Variants in TRAPPC9 observed in about 807,000 individuals in gnomAD.
TRAPPC9 encodes the protein IKK2 binding protein.
Under a neutral mutation model 124.0 loss-of-function variants are expected in TRAPPC9, and 83 were observed. The observed-to-expected ratio is 0.67, with a 90% CI of 0.56 to 0.80. The LOEUF is 0.80. Ranked by LOEUF, TRAPPC9 falls within the 30% of genes least tolerant of loss-of-function variation. The probability of loss-of-function intolerance (pLI) is 0.00; values close to 1 mark genes in which losing one functional copy is unlikely to be tolerated. For synonymous variants in TRAPPC9, 638 were observed against 617.5 expected (o/e 1.03, Z -0.49); for missense variants, 1,302 against 1,508.3 (o/e 0.86, Z 2.27).
intron 17 of TRAPPC9, among the ~76,000 whole-genome samples, chr8:140,128,027 T>C (rs1340586195): frequency 6.6e-6 from 1 of 152,246 alleles, no homozygotes; most frequent in African/African-American, 2.4e-5. Context: ...ACTAAAATGA[T>C]TCATGGTGAA....
At chr8:139,869,680 AG>A (rs1828771021) in intron 21 of TRAPPC9, among the ~76,000 whole-genome samples, 1 of 152,262 alleles carries the variant, frequency 6.6e-6, no homozygotes, top group Non-Finnish European at 1.5e-5. Flanking sequence ...CTTAGCACAA[AG>A]AAAACTTGGT....
chr8:140,125,587 C>CTTTTTT lies in TRAPPC9; in HGVS notation c.2556+95866_2556+95871dup, dbSNP rs11292333. On this transcript the variant is annotated intron_variant, in intron 17 of 22. Coordinates refer to ENST00000438773, the MANE Select transcript of TRAPPC9 (RefSeq NM_001160372.4). The stretch of plus-strand genomic sequence containing the variant: ...GCATGTTCATTTATCGAATCTCATT[C>CTTTTTT]TTTTTTTTTTTTTTTTTTTTTTTTT... 2.1e-3 allele frequency among the ~76,000 whole-genome samples: 142 copies of CTTTTTT among 67,812 alleles called. 1 individual carries two copies. The highest frequency in any genetic ancestry group is 2.7e-3 in the African/African-American group (44 of 16,274). The allele number at this position is 67,812 out of a possible 152,430, so 44.5% of individuals were successfully genotyped here.
intron 17 of TRAPPC9, among the ~76,000 whole-genome samples, chr8:140,200,091 G>A (rs184088524): frequency 1.9e-4 from 29 of 152,272 alleles, no homozygotes; most frequent in African/African-American, 6.5e-4. Context: ...AAGAGTAGCT[G>A]GTGGGACCTA....
chr8:139,860,083 G>T (rs1278035333), intron 21 of TRAPPC9, among the ~76,000 whole-genome samples: 1 of 152,238 alleles, frequency 6.6e-6, no homozygotes, highest in Non-Finnish European at 1.5e-5. Flanking sequence ...TATCTCTGCA[G>T]CTCCAGTATC....
intron 21 of TRAPPC9, among the ~76,000 whole-genome samples, chr8:139,853,953 C>T (rs543094952): frequency 1.1e-4 from 16 of 152,274 alleles, no homozygotes; most frequent in Non-Finnish European, 1.5e-4. Context: ...GTATACCATA[C>T]GTATATAATA....
At chr8:140,207,922 C>T (rs1253259570) in intron 17 of TRAPPC9, among the ~76,000 whole-genome samples, 2 of 152,112 alleles carry the variant, frequency 1.3e-5, no homozygotes, top group Non-Finnish European at 2.9e-5. Flanking sequence ...GAGGCCAAGG[C>T]GGGAGGATCA....
At chr8:140,229,975 C>T (rs143751384) in intron 16 of TRAPPC9, among the ~76,000 whole-genome samples, 119 of 152,296 alleles carry the variant, frequency 7.8e-4, no homozygotes, top group African/African-American at 2.8e-3. Flanking sequence ...GTGAGATTTC[C>T]TTCTAGGGTC....
intron 5 of TRAPPC9, among the ~76,000 whole-genome samples, chr8:140,414,440 G>A (rs2069828362): frequency 6.6e-6 from 1 of 152,080 alleles, no homozygotes; most frequent in Non-Finnish European, 1.5e-5. Context: ...AGGCTGAGAT[G>A]GAAGGATTGC....
chr8:139,853,276 C>A (rs994976304), intron 21 of TRAPPC9, among the ~76,000 whole-genome samples: 4 of 152,182 alleles, frequency 2.6e-5, no homozygotes, highest in Non-Finnish European at 2.9e-5. Flanking sequence ...ACCAGTTTCC[C>A]ATTTGCAGTG....
intron 11 of TRAPPC9, among the ~76,000 whole-genome samples, chr8:140,294,768 C>G (rs888330918): frequency 7.1e-6 from 1 of 141,142 alleles, no homozygotes; most frequent in African/African-American, 2.7e-5. Context: ...CCACCATGCC[C>G]GGCTAAATTT....
At chr8:139,731,852 G>A (rs2129932854) in intron 22 of TRAPPC9, 127 bp downstream of exon 22, 1 of 881,646 alleles carries the variant, frequency 1.1e-6, no homozygotes, top group South Asian at 1.4e-5. Flanking sequence ...GTGCACACGT[G>A]ACCACAGAAC....
At chr8:139,939,703 T>C (rs1025675273) in intron 19 of TRAPPC9, among the ~76,000 whole-genome samples, 1 of 152,260 alleles carries the variant, frequency 6.6e-6, no homozygotes, top group African/African-American at 2.4e-5. Context: ...TCCCACCTTC[T>C]GTGGCTCCAC....
At chr8:140,419,335 A>AC (rs1363767763) in intron 5 of TRAPPC9, among the ~76,000 whole-genome samples, 1 of 145,838 alleles carries the variant, frequency 6.9e-6, no homozygotes, top group African/African-American at 2.5e-5. Context: ...AGGCTGAGGC[A>AC]GGAGAATGGC....
chr8:139,892,627 G>A (rs999184399), intron 20 of TRAPPC9, among the ~76,000 whole-genome samples: 3 of 152,202 alleles, frequency 2.0e-5, no homozygotes, highest in African/African-American at 7.2e-5. Flanking sequence ...CTTGGAAACT[G>A]TACAGTGTAT....
intron 21 of TRAPPC9, among the ~76,000 whole-genome samples, chr8:139,842,529 T>C (rs1218894911): frequency 3.9e-5 from 6 of 152,140 alleles, no homozygotes; most frequent in African/African-American, 1.2e-4. Flanking sequence ...CCCTGACAAA[T>C]AAACACAGTC....
At position 140,174,820 on chromosome 8, in the gene TRAPPC9, G is replaced by A. The variant is rs557332652; in HGVS notation, c.2556+46639C>T. 1.2e-4 allele frequency among the ~76,000 whole-genome samples: 18 copies of A among 152,204 alleles called. No homozygotes were observed. The South Asian group carries it at 2.1e-3, about 18-fold the overall frequency. On this transcript the variant is annotated intron_variant, in intron 17 of 22. Coordinates refer to ENST00000438773, the MANE Select transcript of TRAPPC9 (RefSeq NM_001160372.4). ...ACAGTTTATCCATTCACCAGCTGAC[G>A]GGCATTTCGGTTGTTTCCACTGTTT...
intron 17 of TRAPPC9, among the ~76,000 whole-genome samples, chr8:140,200,740 C>T (rs887998160): frequency 2.0e-5 from 3 of 152,076 alleles, no homozygotes; most frequent in African/African-American, 7.2e-5. Context: ...TGTCATCGAG[C>T]GTCCTGAATG....
At chr8:140,174,911 C>G (rs2062032481) in intron 17 of TRAPPC9, among the ~76,000 whole-genome samples, 1 of 151,694 alleles carries the variant, frequency 6.6e-6, no homozygotes, top group South Asian at 2.1e-4. Flanking sequence ...TTTCAGTTCT[C>G]TTGAGTATAG....
chr8:140,140,800 T>A (rs958191704), intron 17 of TRAPPC9, among the ~76,000 whole-genome samples: 2 of 152,206 alleles, frequency 1.3e-5, no homozygotes, highest in East Asian at 3.9e-4. Context: ...AAGCGCCATG[T>A]TATCTTTCCA....
Sources: allele counts gnomAD v4.1 joint callset (sites outside exome capture counted in the v4.1 genomes callset), GRCh38; gene constraint gnomAD v4.1.1; transcripts MANE v1.5; gene names NCBI Gene and HGNC (gene_info 2026-07-23, HGNC 2026-07-21).